LRBA: variants seen among roughly 807,000 people sequenced by gnomAD.
The protein encoded by LRBA is lipopolysaccharide-responsive and beige-like anchor protein.
A neutral mutation model predicts 330.0 loss-of-function variants in LRBA; 176 were observed. The observed-to-expected ratio is 0.53, with a 90% confidence interval of 0.47 to 0.60. The LOEUF is 0.60. Among genes scored for constraint, LRBA ranks in the 20% least tolerant of loss-of-function variants. The pLI, the probability that LRBA is intolerant of heterozygous loss-of-function variation, is 0.00. For synonymous variants in LRBA, 1,230 were observed against 1,193.0 expected, an observed-to-expected ratio of 1.03 and a Z score of -0.64; for missense variants, 3,259 against 3,444.8, an observed-to-expected ratio of 0.95 and a Z score of 1.35.
chr4:150,337,211 G>A (rs1438807929), intron 48 of LRBA, among the ~76,000 whole-genome samples: 2 of 152,156 alleles, frequency 1.3e-5, no homozygotes, highest in Non-Finnish European at 2.9e-5. Flanking sequence ...TTTGCTAAGA[G>A]TGACCTAGAT....
intron 34 of LRBA, among the ~76,000 whole-genome samples, chr4:150,773,559 T>C (rs1045825311): frequency 1.5e-4 from 23 of 152,230 alleles, no homozygotes; most frequent in African/African-American, 4.8e-4. Flanking sequence ...GATGAATATA[T>C]GCTGGAAATT....
At chr4:150,897,859 G>T in intron 14 of LRBA, 41 bp from the exon 15 acceptor site, 1 of 1,320,118 alleles carries the variant, frequency 7.6e-7, no homozygotes, top group South Asian at 1.2e-5. Context: ...GTATTTAAAG[G>T]ACCTCAAAGC....
intron 35 of LRBA, among the ~76,000 whole-genome samples, chr4:150,737,478 T>TGAAC (rs1731336536): frequency 8.3e-6 from 1 of 119,850 alleles, no homozygotes; most frequent in Non-Finnish European, 1.8e-5. Flanking sequence ...AACAAACGAA[T>TGAAC]GAACGAACGA....
intron 2 of LRBA, among the ~76,000 whole-genome samples, chr4:150,937,580 T>A (rs976771615): frequency 2.0e-5 from 3 of 152,134 alleles, no homozygotes; most frequent in East Asian, 1.9e-4. Flanking sequence ...TTAGCATGAT[T>A]TGGTCTCCTT....
rs553666128 is a variant in LRBA at position 150,549,369 on chromosome 4, T to C, written c.6330+38679A>G. On this transcript the variant is annotated intron_variant, in intron 40 of 56. Transcript: ENST00000651943. ...TTTTTTTAGATGGAGTCTCGCTCTG[T>C]TGCCTATGCTGCAGTGCAGTGGCAC... 2.3e-3 allele frequency among the ~76,000 whole-genome samples: 343 copies of C among 152,188 alleles called. 2 individuals are homozygous for C. The highest frequency in any genetic ancestry group is 6.8e-3 in the Middle Eastern group (2 of 294).
At chr4:150,974,170 C>G (rs1162789378) in intron 2 of LRBA, among the ~76,000 whole-genome samples, 6 of 152,124 alleles carry the variant, frequency 3.9e-5, no homozygotes, top group African/African-American at 1.4e-4. Flanking sequence ...AACAAGGTCT[C>G]AACTCAGTGA....
At chr4:150,947,344 A>G in intron 2 of LRBA, among the ~76,000 whole-genome samples, 1 of 151,970 alleles carries the variant, frequency 6.6e-6, no homozygotes, top group Non-Finnish European at 1.5e-5. Context: ...ATGGCCAAGT[A>G]GATTTTATTC....
intron 35 of LRBA, among the ~76,000 whole-genome samples, chr4:150,744,402 G>C (rs1212430238): frequency 6.6e-6 from 1 of 151,948 alleles, no homozygotes; most frequent in East Asian, 1.9e-4. Flanking sequence ...CTTCCTTCAG[G>C]CCCCTAATCA....
Position 150,828,555 on chromosome 4 carries a change from G to C in LRBA, c.4796C>G (p.Ser1599Cys). 6.2e-7 allele frequency: 1 copy of C among 1,614,130 alleles called. No individual in the cohort carries two copies. Among genetic ancestry groups the C allele is most frequent in the East Asian group, 2.2e-5 (1 of 44,884 alleles). Reference sequence around the variant, plus strand: ...AATGCCTGAGTCCCTCCTTCGAGCAGATGATGTGCTTTCAGATTCTTCCAC... The same window carrying C: ...AATGCCTGAGTCCCTCCTTCGAGCACATGATGTGCTTTCAGATTCTTCCAC... ...ASVEESESTS[S>C]ARRRDSGIGE... The change falls in exon 30 of 57, where the codon TCT becomes TGT. Residue 1599 changes from serine to cysteine, a missense_variant. Coordinates refer to ENST00000651943, the MANE Select transcript of LRBA (RefSeq NM_001364905.1).
chr4:150,963,878 A>G (rs1178247774), intron 2 of LRBA, among the ~76,000 whole-genome samples: 1 of 135,036 alleles, frequency 7.4e-6, no homozygotes. Flanking sequence ...CTGGCCGCCC[A>G]TCATCTGGGA....
At chr4:150,715,957 A>C (rs1728146095) in intron 36 of LRBA, among the ~76,000 whole-genome samples, 1 of 152,208 alleles carries the variant, frequency 6.6e-6, no homozygotes, top group Non-Finnish European at 1.5e-5. Flanking sequence ...GACCATCCAT[A>C]CACCCAAGAA....
intron 46 of LRBA, among the ~76,000 whole-genome samples, chr4:150,431,898 T>C (rs573102603): frequency 2.0e-5 from 3 of 152,208 alleles, no homozygotes; most frequent in African/African-American, 7.2e-5. Flanking sequence ...CAGTAAATTA[T>C]GCTATAAATA....
chr4:150,980,081 T>C (rs986571311), intron 2 of LRBA, among the ~76,000 whole-genome samples: 1 of 152,158 alleles, frequency 6.6e-6, no homozygotes, highest in African/African-American at 2.4e-5. Context: ...CAAAATACTA[T>C]AATAGCAAGC....
chr4:150,982,295 G>A (rs1337345370), intron 2 of LRBA, among the ~76,000 whole-genome samples: 6 of 152,048 alleles, frequency 3.9e-5, no homozygotes, highest in East Asian at 1.9e-4. Flanking sequence ...AAGTACTTAC[G>A]TACATTGTGA....
In LRBA at chr4:150,727,330, T is replaced by A. The variant is rs186537023; in HGVS notation, c.5754+7928A>T. ...CTCAGGTGATCCACCTGCCTCAGCC[T>A]CCCAAAGTGCTGGGATTACAGGTGT... On this transcript the variant is annotated intron_variant, in intron 36 of 56. Coordinates refer to ENST00000651943, the MANE Select transcript of LRBA (RefSeq NM_001364905.1). 3.9e-3 allele frequency among the ~76,000 whole-genome samples: 588 copies of A among 152,168 alleles called. 4 individuals carry two copies. Among genetic ancestry groups the A allele is most frequent in the Middle Eastern group, 0.034 (10 of 294 alleles).
intron 2 of LRBA, among the ~76,000 whole-genome samples, chr4:150,992,669 T>C (rs986330022): frequency 6.6e-6 from 1 of 152,152 alleles, no homozygotes; most frequent in Non-Finnish European, 1.5e-5. Flanking sequence ...AGACTACTTA[T>C]GGGAATAAGG....
chr4:150,787,013 C>T (rs1226706507), intron 34 of LRBA, among the ~76,000 whole-genome samples: 1 of 152,150 alleles, frequency 6.6e-6, no homozygotes, highest in Non-Finnish European at 1.5e-5. Context: ...GAGCAAATCA[C>T]CTGAAGTAGA....
intron 40 of LRBA, among the ~76,000 whole-genome samples, chr4:150,557,706 A>G (rs1213715825): frequency 6.6e-6 from 1 of 152,156 alleles, no homozygotes; most frequent in Non-Finnish European, 1.5e-5. Context: ...ATGGGGTTAC[A>G]GGTTTTAGGA....
intron 37 of LRBA, among the ~76,000 whole-genome samples, chr4:150,635,481 A>G (rs1777801227): frequency 6.6e-6 from 1 of 152,114 alleles, no homozygotes; most frequent in Non-Finnish European, 1.5e-5. Context: ...TGCCTCTAAC[A>G]CATAACACCC....
Sources: allele counts gnomAD v4.1 joint callset (sites outside exome capture counted in the v4.1 genomes callset), GRCh38; gene constraint gnomAD v4.1.1; transcripts MANE v1.5; gene names NCBI Gene and HGNC (gene_info 2026-07-23, HGNC 2026-07-21).